SEMA3A: variants seen among roughly 807,000 people sequenced by gnomAD.
The protein encoded by SEMA3A is semaphorin-3A.
In SEMA3A, 29 loss-of-function variants were observed where a neutral mutation model predicts 97.9. The observed-to-expected ratio is 0.30, with a 90% CI of 0.22 to 0.40. SEMA3A has a LOEUF of 0.40. Ranked by LOEUF, SEMA3A falls within the 10% of genes least tolerant of loss-of-function variation. The pLI is 1.00. For synonymous variants in SEMA3A, 321 were observed against 323.7 expected (o/e 0.99, Z 0.09); for missense variants, 763 against 951.3 (o/e 0.80, Z 2.60).
At chr7:84,185,683 C>T (rs1797858211) in intron 1 of SEMA3A, among the ~76,000 whole-genome samples, 1 of 88,148 alleles carries the variant, frequency 1.1e-5, no homozygotes, top group South Asian at 4.1e-4. Flanking sequence ...AAGAGAGAAA[C>T]TCTGGCAGGA....
chr7:84,257,465 T>C (rs1799742272), intron 3 of SEMA3A, among the ~76,000 whole-genome samples: 1 of 152,094 alleles, frequency 6.6e-6, no homozygotes, highest in Admixed American at 6.6e-5. Context: ...TTTTCTTTGG[T>C]ATATATTTAG....
chr7:84,230,939 A>G (rs1348329072), intron 3 of SEMA3A, among the ~76,000 whole-genome samples: 1 of 151,860 alleles, frequency 6.6e-6, no homozygotes, highest in Non-Finnish European at 1.5e-5. Context: ...AGTTATTCCA[A>G]CAGCATTTAC....
chr7:84,281,350 C>T (rs1454603346), intron 3 of SEMA3A, among the ~76,000 whole-genome samples: 3 of 152,086 alleles, frequency 2.0e-5, no homozygotes, highest in Non-Finnish European at 4.4e-5. Context: ...CACTTGAAGA[C>T]AAGAAACAGC....
intron 2 of SEMA3A, among the ~76,000 whole-genome samples, chr7:84,357,754 A>G (rs1416327716): frequency 6.6e-6 from 1 of 151,648 alleles, no homozygotes; most frequent in Non-Finnish European, 1.5e-5. Flanking sequence ...TCCCACCAAC[A>G]GTGTAAAAGT....
intron 1 of SEMA3A, among the ~76,000 whole-genome samples, chr7:84,174,115 C>T (rs1797486021): frequency 6.6e-6 from 1 of 151,802 alleles, no homozygotes; most frequent in Admixed American, 6.6e-5. Context: ...AAATAAGCTG[C>T]ATCTGGTGGC....
At chr7:84,092,734 T>C (rs35638242) in intron 4 of SEMA3A, among the ~76,000 whole-genome samples, 62,744 of 151,898 alleles carry the variant, frequency 0.41, 14,829 homozygotes, top group Non-Finnish European at 0.52. Context: ...GTATATTTCT[T>C]ATTTCCTCCT....
chr7:84,096,240 C>G (rs973585300), intron 4 of SEMA3A, among the ~76,000 whole-genome samples: 2 of 151,918 alleles, frequency 1.3e-5, no homozygotes, highest in African/African-American at 4.8e-5. Context: ...ACTAAGTAGC[C>G]AAGAGATTTA....
intron 1 of SEMA3A, among the ~76,000 whole-genome samples, chr7:84,190,637 A>T (rs568486775): frequency 6.7e-6 from 1 of 150,314 alleles, no homozygotes; most frequent in East Asian, 1.9e-4. Flanking sequence ...TTATACTATT[A>T]TGTGAATGTT....
At chr7:84,273,928 A>G (rs921224293) in intron 3 of SEMA3A, among the ~76,000 whole-genome samples, 1 of 152,024 alleles carries the variant, frequency 6.6e-6, no homozygotes. Context: ...TTCAAATTTC[A>G]TAGTGCATTC....
At chr7:84,202,272 A>G (rs1798375801) in intron 3 of SEMA3A, among the ~76,000 whole-genome samples, 1 of 152,196 alleles carries the variant, frequency 6.6e-6, no homozygotes, top group Non-Finnish European at 1.5e-5. Flanking sequence ...GCATATGCTA[A>G]TTAGCTAGAT....
At chr7:84,402,151 CAAACAAAACA>C (rs566695344) in intron 1 of SEMA3A, among the ~76,000 whole-genome samples, 2 of 151,868 alleles carry the variant, frequency 1.3e-5, no homozygotes, top group Non-Finnish European at 2.9e-5. Flanking sequence ...GGGTAGCAAA[CAAACAAAACA>C]AAACAAAACA....
intron 15 of SEMA3A, among the ~76,000 whole-genome samples, chr7:83,976,087 T>C (rs781063311): frequency 1.7e-4 from 26 of 152,164 alleles, no homozygotes; most frequent in Non-Finnish European, 3.1e-4. Context: ...CTCCTGGTAG[T>C]AGGATTCCCC....
chr7:84,381,181 A>G (rs1285107762), intron 1 of SEMA3A, among the ~76,000 whole-genome samples: 2 of 152,178 alleles, frequency 1.3e-5, no homozygotes, highest in Non-Finnish European at 2.9e-5. Context: ...ACTCTACTCA[A>G]TAAAGAGAGG....
At chr7:84,371,847 G>T (rs1393150664) in exon 2 of SEMA3A, 1 of 151,962 alleles carries the variant, frequency 6.6e-6, no homozygotes, top group Non-Finnish European at 1.5e-5. Context: ...TCTTCTTGAT[G>T]AATAATTCCC....
intron 2 of SEMA3A, among the ~76,000 whole-genome samples, chr7:84,351,434 A>G (rs1802436350): frequency 6.6e-6 from 1 of 152,104 alleles, no homozygotes; most frequent in Non-Finnish European, 1.5e-5. Flanking sequence ...TATTCCGGAA[A>G]ATGTAAACAG....
chr7:84,074,588 T>C (rs755715642), intron 4 of SEMA3A, among the ~76,000 whole-genome samples: 4 of 152,210 alleles, frequency 2.6e-5, no homozygotes, highest in South Asian at 2.1e-4. Flanking sequence ...CTACAATTAA[T>C]TGAAAGAAGA....
Position 84,331,187 on chromosome 7 carries a change from C to T in SEMA3A, c.-168-23895G>A, listed in dbSNP as rs148782788. 8.2e-3 allele frequency among the ~76,000 whole-genome samples: 1,245 copies of T among 152,146 alleles called. 3 individuals are homozygous for T. Among genetic ancestry groups the T allele is most frequent in the Non-Finnish European group, 0.013 (871 of 67,988 alleles). ...CCATCCAATCTGGATCACAAAAATA[C>T]GTCAAGAACTTTAGGGTATCAAAAA... On this transcript the variant is annotated intron_variant, in intron 2 of 3. Coordinates refer to the SEMA3A transcript ENST00000424555.
chr7:84,261,824 C>T (rs1331038078), intron 3 of SEMA3A, among the ~76,000 whole-genome samples: 1 of 152,332 alleles, frequency 6.6e-6, no homozygotes, highest in South Asian at 2.1e-4. Flanking sequence ...TGGGCCCGAG[C>T]AAAACCCAGG....
At chr7:84,300,810 G>A (rs1017332657) in intron 3 of SEMA3A, among the ~76,000 whole-genome samples, 4 of 151,828 alleles carry the variant, frequency 2.6e-5, no homozygotes, top group East Asian at 1.9e-4. Flanking sequence ...TTGGTGCATC[G>A]AGATAATGCC....
Sources: gnomAD v4.1 joint callset for allele counts (sites outside exome capture counted in the v4.1 genomes callset) on GRCh38, gnomAD v4.1.1 for gene constraint, MANE v1.5 for transcripts, NCBI Gene and HGNC (gene_info 2026-07-23, HGNC 2026-07-21) for gene names.